The following RALA variants were observed in gnomAD, a reference collection of about 807,000 sequenced individuals.
RALA encodes ras-related protein Ral-A.
In RALA, 5 loss-of-function variants were observed where a neutral mutation model predicts 24.0. The ratio of observed to expected loss-of-function variants is 0.21; its 90% CI spans 0.11 to 0.44. The LOEUF (loss-of-function observed/expected upper bound fraction) is 0.44. RALA is among the 20% of genes least tolerant of loss of function. The pLI is 0.99. For synonymous variants in RALA, 77 were observed against 83.8 expected, an observed-to-expected ratio of 0.92 and a Z score of 0.44; for missense variants, 95 against 241.2, an observed-to-expected ratio of 0.39 and a Z score of 4.01.
chr7:39,657,071 G>A (rs561635910), intron 1 of RALA, among the ~76,000 whole-genome samples: 52 of 152,142 alleles, frequency 3.4e-4, no homozygotes, highest in Non-Finnish European at 5.7e-4. Flanking sequence ...GGGTTTAAGC[G>A]ATTCTCCCGT....
chr7:39,701,288 A>T (rs1445515643), intron 4 of RALA, among the ~76,000 whole-genome samples: 1 of 152,204 alleles, frequency 6.6e-6, no homozygotes, highest in Non-Finnish European at 1.5e-5. Context: ...AGGCAGGCAG[A>T]TTACTTGAGC....
At chr7:39,629,976 A>G (rs1335882266) in intron 1 of RALA, among the ~76,000 whole-genome samples, 2 of 151,718 alleles carry the variant, frequency 1.3e-5, no homozygotes, top group South Asian at 4.2e-4. Context: ...TGATCCGTCC[A>G]CCTCAGCCTC....
At chr7:39,689,139 A>C (rs1446646262) in intron 2 of RALA, among the ~76,000 whole-genome samples, 1 of 152,172 alleles carries the variant, frequency 6.6e-6, no homozygotes, top group Non-Finnish European at 1.5e-5. Flanking sequence ...ACAGTTCAAC[A>C]TGAGATTTGG....
intron 3 of RALA, among the ~76,000 whole-genome samples, chr7:39,692,953 G>C (rs1032369879): frequency 5.9e-5 from 9 of 152,144 alleles, no homozygotes; most frequent in Admixed American, 1.3e-4. Context: ...AAATAGGAAT[G>C]CTTTTACACT....
intron 1 of RALA, among the ~76,000 whole-genome samples, chr7:39,652,865 G>A (rs1181091641): frequency 2.7e-5 from 4 of 150,048 alleles, no homozygotes; most frequent in Non-Finnish European, 4.4e-5. Flanking sequence ...TCCCAGGTGC[G>A]AGCAATTCTC....
At chr7:39,678,427 G>A (rs753146118) in intron 1 of RALA, among the ~76,000 whole-genome samples, 2 of 152,072 alleles carry the variant, frequency 1.3e-5, no homozygotes, top group Admixed American at 1.3e-4. Context: ...TGGAGAGAAG[G>A]AAAAATGGAG....
intron 1 of RALA, among the ~76,000 whole-genome samples, chr7:39,673,076 T>C (rs1202437414): frequency 6.6e-6 from 1 of 152,172 alleles, no homozygotes; most frequent in Non-Finnish European, 1.5e-5. Flanking sequence ...TAATCCCAGC[T>C]ACTCAGGAGG....
intron 1 of RALA, among the ~76,000 whole-genome samples, chr7:39,675,747 A>C (rs1032910219): frequency 2.8e-4 from 38 of 133,836 alleles, no homozygotes; most frequent in Non-Finnish European, 6.1e-4. Flanking sequence ...ATTAAAAAAA[A>C]AAAAAAAAAA....
intron 1 of RALA, among the ~76,000 whole-genome samples, chr7:39,646,464 AT>A (rs1791924418): frequency 6.6e-6 from 1 of 151,600 alleles, no homozygotes; most frequent in Admixed American, 6.6e-5. Flanking sequence ...TATACAAAAA[AT>A]TTTTTTAAAT....
In RALA at chr7:39,633,889, A is replaced by G. The variant is rs562081443; in HGVS notation, c.-38+10064A>G. On this transcript the variant is annotated intron_variant, in intron 1 of 4. Transcript: ENST00000005257. ...ATTGCACACCAGTGCTTGGTCTCCC[A>G]AGTTCTGGAGAGTGTTTTTATTTCA... Among the ~76,000 whole-genome samples the G allele has an allele frequency of 1.9e-4, 29 of 152,296 alleles. No homozygotes were observed. The East Asian group carries it at 5.6e-3, about 29-fold the overall frequency.
chr7:39,664,335 C>G (rs1330042018), intron 1 of RALA, among the ~76,000 whole-genome samples: 1 of 152,170 alleles, frequency 6.6e-6, no homozygotes. Context: ...CAACAAGAAC[C>G]CTTTTTCTGG....
At chr7:39,665,262 T>A (rs777026763) in intron 1 of RALA, among the ~76,000 whole-genome samples, 1 of 152,154 alleles carries the variant, frequency 6.6e-6, no homozygotes, top group Non-Finnish European at 1.5e-5. Context: ...TGAAGACCTT[T>A]ATGATGATCC....
At position 39,686,636 on chromosome 7, in the gene RALA, T is replaced by C; in HGVS notation, c.-32T>C. Reference sequence around the variant, plus strand: ...TATTCTTTCATTCTTCTTAGATTCTTCTTAATCCTTTGGTGAAAACTGAGA... The same window carrying C: ...TATTCTTTCATTCTTCTTAGATTCTCCTTAATCCTTTGGTGAAAACTGAGA... On this transcript the variant is annotated 5_prime_UTR_variant, in exon 2 of 5. Coordinates refer to ENST00000005257, the MANE Select transcript of RALA (RefSeq NM_005402.4). 6.6e-7 allele frequency: 1 copy of C among 1,505,946 alleles called. No homozygotes were observed. The highest frequency in any genetic ancestry group is 9.2e-7 in the Non-Finnish European group (1 of 1,081,446). 93.3% of individuals were successfully genotyped at this position (1,505,946 alleles called of 1,614,324 possible). A position where few individuals can be genotyped will look rare whatever the true frequency, so the allele number is the denominator to read the frequency against.
At chr7:39,661,067 G>C (rs1301953699) in intron 1 of RALA, among the ~76,000 whole-genome samples, 1 of 152,172 alleles carries the variant, frequency 6.6e-6, no homozygotes, top group Non-Finnish European at 1.5e-5. Flanking sequence ...GAATGAGAGA[G>C]CCGAGCTAAA....
chr7:39,669,554 A>G (rs969881266), intron 1 of RALA, among the ~76,000 whole-genome samples: 2 of 152,074 alleles, frequency 1.3e-5, no homozygotes, highest in African/African-American at 4.8e-5. Flanking sequence ...GCTTATGCCT[A>G]TAATATCAGC....
intron 1 of RALA, among the ~76,000 whole-genome samples, chr7:39,637,834 T>C (rs1254035886): frequency 2.0e-5 from 3 of 152,248 alleles, no homozygotes; most frequent in African/African-American, 7.2e-5. Context: ...TGGCCACATT[T>C]GCTTTTTCTG....
chr7:39,659,324 T>C lies in RALA; in HGVS notation c.-37-27307T>C, dbSNP rs571105771. Among the ~76,000 whole-genome samples, 10 of 152,214 alleles carry C rather than the reference T, an allele frequency of 6.6e-5. No individual in the cohort carries two copies. The South Asian group carries it at 2.1e-3, about 32-fold the overall frequency. Reference sequence around the variant, plus strand: ...ATATGATCAAATCTTAAATTTAGATTTTTCAGTACTCTTAGGAAGAAAAAT... The same window carrying C: ...ATATGATCAAATCTTAAATTTAGATCTTTCAGTACTCTTAGGAAGAAAAAT... On this transcript the variant is annotated intron_variant, in intron 1 of 4. Transcript: ENST00000005257.
intron 1 of RALA, among the ~76,000 whole-genome samples, chr7:39,681,732 TTTGTG>T (rs1792607014): frequency 6.6e-6 from 1 of 152,140 alleles, no homozygotes; most frequent in Non-Finnish European, 1.5e-5. Flanking sequence ...CTCATGCCAT[TTTGTG>T]ACTTCAAATA....
intron 3 of RALA, among the ~76,000 whole-genome samples, chr7:39,692,011 A>T (rs1234087074): frequency 6.6e-6 from 1 of 152,184 alleles, no homozygotes; most frequent in Admixed American, 6.5e-5. Flanking sequence ...GAAAATAAGG[A>T]TGATTCATTA....
Sources: allele counts gnomAD v4.1 joint callset (sites outside exome capture counted in the v4.1 genomes callset), GRCh38; gene constraint gnomAD v4.1.1; transcripts MANE v1.5; gene names NCBI Gene and HGNC (gene_info 2026-07-23, HGNC 2026-07-21).